The following CDH13 variants were observed in gnomAD, a reference collection of about 807,000 sequenced individuals.
CDH13 encodes the protein cadherin 13.
A neutral mutation model predicts 63.8 loss-of-function variants in CDH13; 24 were observed. The observed-to-expected ratio is 0.38, with a 90% CI of 0.27 to 0.53. The LOEUF (loss-of-function observed/expected upper bound fraction) is 0.53, where lower values mean the gene tolerates loss of function less well. CDH13 is among the 20% of genes least tolerant of loss of function. The pLI is 0.85. For synonymous variants in CDH13, 503 were observed against 355.3 expected (o/e 1.42, Z -4.67); for missense variants, 1,049 against 903.1 (o/e 1.16, Z -2.07).
chr16:83,004,091 G>A (rs938597895), intron 2 of CDH13, among the ~76,000 whole-genome samples: 2 of 152,202 alleles, frequency 1.3e-5, no homozygotes, highest in Non-Finnish European at 2.9e-5. Flanking sequence ...ATTTGATAAG[G>A]AAATTTTCTT....
chr16:83,615,690 A>G lies in CDH13; in HGVS notation c.1101+13096A>G, dbSNP rs541691804. On this transcript the variant is annotated intron_variant, in intron 8 of 13. Coordinates refer to ENST00000567109, the MANE Select transcript of CDH13 (RefSeq NM_001257.5). ...GGAGAGAAGAGAACAGTGTGATTTC[A>G]GTGCATGGGTACTAGCAGTTTCCAA... is the stretch of plus-strand genomic sequence containing the variant. Among the ~76,000 whole-genome samples, 5 of 152,344 alleles carry G rather than the reference A, an allele frequency of 3.3e-5. No individual in the cohort carries two copies. The East Asian group carries it at 9.6e-4, about 29-fold the overall frequency.
In CDH13 at chr16:83,238,232, A is replaced by AG. The variant is rs1555517602; in HGVS notation, c.636+20735_636+20736insG. Among the ~76,000 whole-genome samples the AG allele has an allele frequency of 3.5e-3, 530 of 151,032 alleles. 2 individuals are homozygous for AG. Among genetic ancestry groups the AG allele is most frequent in the Non-Finnish European group, 4.2e-3 (288 of 67,826 alleles). ...GACTGGGTAATTCATTTAAAAAAAA[A>AG]AGAGAGATTTAGTGGACTTACAGTT... On this transcript the variant is annotated intron_variant, in intron 5 of 13. Transcript: ENST00000567109.
At chr16:83,528,544 C>T (rs759591372) in intron 7 of CDH13, among the ~76,000 whole-genome samples, 1 of 152,080 alleles carries the variant, frequency 6.6e-6, no homozygotes. Context: ...TGGGAGGGCA[C>T]TTATCTTCAT....
chr16:83,502,191 G>C (rs985043919), intron 7 of CDH13, among the ~76,000 whole-genome samples: 1 of 152,174 alleles, frequency 6.6e-6, no homozygotes, highest in African/African-American at 2.4e-5. Context: ...TTGTAGAAGT[G>C]ATTAAGTCAA....
At chr16:83,779,814 C>T (rs975504644) in intron 11 of CDH13, among the ~76,000 whole-genome samples, 154 bp from the exon 12 acceptor site, 4 of 152,146 alleles carry the variant, frequency 2.6e-5, no homozygotes, top group East Asian at 1.9e-4. Context: ...GCCATGATCG[C>T]ACCACTGCAT....
chr16:82,818,907 AT>A (rs1175301658), intron 1 of CDH13, among the ~76,000 whole-genome samples: 2 of 152,242 alleles, frequency 1.3e-5, no homozygotes, highest in Non-Finnish European at 2.9e-5. Context: ...TTATGCCTTT[AT>A]AAAACATTTT....
intron 4 of CDH13, among the ~76,000 whole-genome samples, chr16:83,131,204 C>A: frequency 1.7e-5 from 2 of 118,900 alleles, no homozygotes; most frequent in Admixed American, 1.1e-4. Context: ...CCCCCCCCGC[C>A]CACAGACACA....
chr16:83,203,205 C>T (rs1318334528), intron 4 of CDH13, among the ~76,000 whole-genome samples: 3 of 151,982 alleles, frequency 2.0e-5, no homozygotes. Context: ...GCCTGGGCAA[C>T]AAGAGCAAAA....
intron 13 of CDH13, among the ~76,000 whole-genome samples, chr16:83,790,639 G>A (rs887563054): frequency 2.6e-5 from 4 of 152,148 alleles, no homozygotes; most frequent in East Asian, 1.9e-4. Flanking sequence ...TCCCGACCTC[G>A]TGATCCGCCC....
intron 2 of CDH13, among the ~76,000 whole-genome samples, chr16:83,004,225 G>GTCTTTA (rs1567735108): frequency 1.3e-5 from 2 of 152,148 alleles, no homozygotes; most frequent in Non-Finnish European, 2.9e-5. Flanking sequence ...TTTTGTAGGA[G>GTCTTTA]TCAGGGATAA....
chr16:83,484,853 C>T (rs897704053), intron 6 of CDH13, among the ~76,000 whole-genome samples: 1 of 152,166 alleles, frequency 6.6e-6, no homozygotes, highest in African/African-American at 2.4e-5. Flanking sequence ...TGCCACATTT[C>T]ACATCAGTTT....
chr16:83,485,137 C>G (rs1455549760), intron 6 of CDH13, among the ~76,000 whole-genome samples: 2 of 152,232 alleles, frequency 1.3e-5, no homozygotes, highest in Non-Finnish European at 2.9e-5. Flanking sequence ...AGAATACTAT[C>G]ATTTTGGCAA....
intron 2 of CDH13, among the ~76,000 whole-genome samples, chr16:82,902,808 G>A (rs2041514944): frequency 6.6e-6 from 1 of 152,122 alleles, no homozygotes; most frequent in African/African-American, 2.4e-5. Flanking sequence ...AAAGCCAGAA[G>A]ATGTCTGCCT....
intron 7 of CDH13, among the ~76,000 whole-genome samples, chr16:83,493,648 G>C (rs556475087): frequency 1.3e-5 from 2 of 152,306 alleles, no homozygotes; most frequent in Admixed American, 6.5e-5. Context: ...GTGGTATAGA[G>C]AGATACCAGA....
chr16:82,662,673 C>G (rs760124632), intron 1 of CDH13, among the ~76,000 whole-genome samples: 4 of 152,198 alleles, frequency 2.6e-5, no homozygotes, highest in Non-Finnish European at 4.4e-5. Flanking sequence ...TTCATAGGAC[C>G]TCTCACTACT....
intron 5 of CDH13, among the ~76,000 whole-genome samples, chr16:83,251,530 C>T (rs752234191): frequency 6.6e-6 from 1 of 152,210 alleles, no homozygotes; most frequent in Non-Finnish European, 1.5e-5. Context: ...GGACACATGT[C>T]TGTTCTGTCC....
rs148360029 is a variant in CDH13 at position 83,452,196 on chromosome 16, G to A, written c.782-34281G>A. 6.0e-4 allele frequency among the ~76,000 whole-genome samples: 91 copies of A among 152,282 alleles called. 1 individual carries two copies. Among genetic ancestry groups the A allele is most frequent in the Non-Finnish European group, 1.0e-3 (69 of 68,030 alleles). On this transcript the variant is annotated intron_variant, in intron 6 of 13. Coordinates refer to ENST00000567109, the MANE Select transcript of CDH13 (RefSeq NM_001257.5). Reference sequence around the variant, plus strand: ...TGGAAATATTTTCATAAAAATTAATGTTTATAGTCAACCTTGTGACAGTCG... The same window carrying A: ...TGGAAATATTTTCATAAAAATTAATATTTATAGTCAACCTTGTGACAGTCG...
chr16:82,823,546 G>A (rs532473953), intron 1 of CDH13: 1 of 152,132 alleles, frequency 6.6e-6, no homozygotes, highest in Non-Finnish European at 1.5e-5. Context: ...CACTTGATAG[G>A]AACTACCCCT....
intron 6 of CDH13, among the ~76,000 whole-genome samples, chr16:83,463,314 G>A (rs546026114): frequency 2.3e-4 from 35 of 152,288 alleles, no homozygotes; most frequent in African/African-American, 6.0e-4. Context: ...AAAATGCAGC[G>A]ATTCACAATA....
Sources: gnomAD v4.1 joint callset for allele counts (sites outside exome capture counted in the v4.1 genomes callset) on GRCh38, gnomAD v4.1.1 for gene constraint, MANE v1.5 for transcripts, NCBI Gene and HGNC (gene_info 2026-07-23, HGNC 2026-07-21) for gene names.